KRT32: variants seen among roughly 807,000 people sequenced by gnomAD.
The protein encoded by KRT32 is keratin, type I cuticular Ha2.
A neutral mutation model predicts 41.8 loss-of-function variants in KRT32; 44 were observed. That is an observed-to-expected ratio of 1.05 (90% confidence interval 0.83 to 1.35). KRT32 has a LOEUF of 1.35. KRT32 is among the 40% of genes most tolerant of loss of function. The pLI, the probability that KRT32 is intolerant of heterozygous loss-of-function variation, is 0.00. For missense variants in KRT32, 576 were observed against 584.6 expected, an observed-to-expected ratio of 0.99 and a Z score of 0.15; for synonymous variants, 238 against 242.5, an observed-to-expected ratio of 0.98 and a Z score of 0.17.
At chr17:41,465,749 C>G (rs771021253) in intron 3 of KRT32, 24 bp downstream of exon 3, 1 of 1,600,508 alleles carries the variant, frequency 6.2e-7, no homozygotes, top group African/African-American at 1.3e-5. Context: ...CCCGGGGCCA[C>G]TTCAGCGGGA....
intron 3 of KRT32, 22 bp from the exon 4 acceptor site, chr17:41,464,465 AG>A (rs758248194): frequency 3.3e-6 from 5 of 1,523,838 alleles, no homozygotes; most frequent in Non-Finnish European, 4.4e-6. Flanking sequence ...CAAGACCTCC[AG>A]AAAAATGTGA....
At chr17:41,464,976 A>G (rs909743735) in intron 3 of KRT32, among the ~76,000 whole-genome samples, 2 of 152,206 alleles carry the variant, frequency 1.3e-5, no homozygotes, top group African/African-American at 4.8e-5. Flanking sequence ...CTCGGTGAGT[A>G]CGTGGTGACT....
intron 3 of KRT32, among the ~76,000 whole-genome samples, chr17:41,465,105 C>G (rs887849250): frequency 2.0e-5 from 3 of 152,178 alleles, no homozygotes; most frequent in Non-Finnish European, 4.4e-5. Flanking sequence ...AACACCATGG[C>G]TCAGGTGGGC....
chr17:41,466,056 C>T, intron 2 of KRT32, 38 bp downstream of exon 2: 1 of 1,610,852 alleles, frequency 6.2e-7, no homozygotes, highest in South Asian at 1.1e-5. Flanking sequence ...CCTATGAGGA[C>T]AGGTCCTCCC....
rs781138503 is a variant in KRT32, at chr17:41,466,895, T to TA, written c.430_431insT (p.Gln144LeufsTer8). ...CTCCTCAATGGTCCTGAAATGAGAC[T>TA]GGTAGTCAGGAGTCATGGTGAGCAC... On this transcript the variant is annotated frameshift_variant, in exon 1 of 7. Coordinates refer to ENST00000225899, the MANE Select transcript of KRT32 (RefSeq NM_002278.3). LOFTEE classifies it high-confidence loss of function. 2 of 1,614,092 alleles carry TA rather than the reference T, an allele frequency of 1.2e-6. No homozygotes were observed. Among genetic ancestry groups the TA allele is most frequent in the Non-Finnish European group, 1.7e-6 (2 of 1,179,948 alleles).
At position 41,466,092 on chromosome 17, in the gene KRT32, A is replaced by C. The variant is rs199799291; in HGVS notation, c.551+2T>G. Reference sequence around the variant, plus strand: ...CAGCTCCAGCCCCCCGACTGAACTCACTTGGCCCTGAAGTCATCGGCAGCC... The same window carrying C: ...CAGCTCCAGCCCCCCGACTGAACTCCCTTGGCCCTGAAGTCATCGGCAGCC... On this transcript the variant is annotated splice_donor_variant, in intron 2 of 6. Coordinates refer to ENST00000225899, the MANE Select transcript of KRT32 (RefSeq NM_002278.3). LOFTEE classifies it high-confidence loss of function. 2.5e-6 allele frequency: 4 copies of C among 1,614,066 alleles called. No homozygotes were observed. In the Admixed American group the frequency reaches 6.7e-5, roughly 27 times the overall value.
At position 41,466,150 on chromosome 17, in the gene KRT32, G is replaced by C; in HGVS notation, c.495C>G (p.Ala165=). 1 of 1,614,096 alleles carries C rather than the reference G, an allele frequency of 6.2e-7. No homozygotes were observed. Among genetic ancestry groups the C allele is most frequent in the Non-Finnish European group, 8.5e-7 (1 of 1,180,024 alleles). ...QKILCTKAEN[A]RMVVNIDNAK... ...CATTATCAATGTTCACAACCATCCT[G>C]GCATTCTCTGCCTTGGTACACAGAA... Residue 165 remains alanine, a synonymous_variant, in exon 2 of 7, where the codon GCC becomes GCG. Coordinates refer to ENST00000225899, the MANE Select transcript of KRT32 (RefSeq NM_002278.3).
At chr17:41,463,154 G>A in intron 5 of KRT32, 104 bp from the exon 6 acceptor site, 1 of 1,084,620 alleles carries the variant, frequency 9.2e-7, no homozygotes, top group African/African-American at 1.6e-5. Flanking sequence ...CTGGAAATGA[G>A]CCCTCCCTAC....
At chr17:41,466,516 G>C (rs892299703) in intron 1 of KRT32, among the ~76,000 whole-genome samples, 1 of 152,224 alleles carries the variant, frequency 6.6e-6, no homozygotes, top group Non-Finnish European at 1.5e-5. Context: ...ACCAGGGGCT[G>C]TTCCAAGCAC....
Position 41,467,077 on chromosome 17 carries a change from G to A in KRT32, c.249C>T (p.Pro83=), listed in dbSNP as rs201032713. The change falls in exon 1 of 7, where the codon CCC becomes CCT. Residue 83 remains proline (P), a synonymous_variant. Transcript: ENST00000225899. ...AGGCCCCTTCGCTGTACCAGCTGCC[G>A]GGGCCCATGGAGCCGGAGATGCCAC... ...AASGISGSMG[P]GSWYSEGAFN... The A allele has an allele frequency of 2.5e-5, 41 of 1,614,226 alleles. No individual in the cohort carries two copies. Among genetic ancestry groups the A allele is most frequent in the South Asian group, 2.5e-4 (23 of 91,084 alleles).
intron 6 of KRT32, among the ~76,000 whole-genome samples, chr17:41,462,036 C>A (rs2019005839): frequency 6.6e-6 from 1 of 152,208 alleles, no homozygotes; most frequent in Non-Finnish European, 1.5e-5. Context: ...CTCAGTTCTT[C>A]CTGCTGCTAT....
intron 5 of KRT32, among the ~76,000 whole-genome samples, chr17:41,463,683 G>A (rs936770786): frequency 2.7e-5 from 4 of 150,234 alleles, no homozygotes. Flanking sequence ...CTCCAGCCTG[G>A]GCAACAGAGT....
chr17:41,465,684 G>T, intron 3 of KRT32, 89 bp downstream of exon 3: 1 of 1,370,770 alleles, frequency 7.3e-7, no homozygotes, highest in Non-Finnish European at 1.0e-6. Flanking sequence ...GCAGGCTTGG[G>T]AATTTCAACC....
intron 2 of KRT32, 78 bp downstream of exon 2, chr17:41,466,016 C>T: frequency 6.2e-7 from 1 of 1,602,136 alleles, no homozygotes; most frequent in Non-Finnish European, 8.5e-7. Context: ...TTCCAACCCT[C>T]CGTGAAACTA....
In KRT32 at chr17:41,464,375, C is replaced by T. The variant is rs374696277; in HGVS notation, c.777G>A (p.Val259=). ...LNIEVDAAPP[V]DLTRVLEEMR... Reference sequence around the variant, plus strand: ...TCTCCTCCAGCACCCTGGTCAGGTCCACCGGGGGTGCAGCGTCCACCTCGA... The same window carrying T: ...TCTCCTCCAGCACCCTGGTCAGGTCTACCGGGGGTGCAGCGTCCACCTCGA... Residue 259 remains valine, a synonymous_variant, in exon 4 of 7, where the codon GTG becomes GTA. Coordinates refer to ENST00000225899, the MANE Select transcript of KRT32 (RefSeq NM_002278.3). 34 of 1,611,588 alleles carry T rather than the reference C, an allele frequency of 2.1e-5. No homozygotes were observed. The highest frequency in any genetic ancestry group is 1.6e-4 in the Middle Eastern group (1 of 6,074).
At position 41,460,132 on chromosome 17, in the gene KRT32, G is replaced by A; in HGVS notation, c.1325C>T (p.Pro442Leu). The A allele has an allele frequency of 1.2e-6, 2 of 1,612,188 alleles. No individual in the cohort carries two copies. Among genetic ancestry groups the A allele is most frequent in the Non-Finnish European group, 1.7e-6 (2 of 1,179,090 alleles). The part of the protein sequence containing the change: ...VPRTVGMPCS[P>L]CPQGRY ...ACTTCAGTAGCGGCCCTGGGGGCAG[G>A]GTGAGCAAGGCATGCCAACAGTGCG... Residue 442 changes from proline (P) to leucine (L), a missense_variant, in exon 7 of 7, where the codon CCC becomes CTC. By Grantham distance (98) the Pro-to-Leu change is moderately conservative (BLOSUM62 -3). Transcript: ENST00000225899.
chr17:41,467,079 G>C lies in KRT32; in HGVS notation c.247C>G (p.Pro83Ala). Residue 83 changes from proline to alanine, a missense_variant, in exon 1 of 7, where the codon CCC (proline) becomes GCC (alanine). Physicochemically the swap from Pro to Ala is conservative, Grantham distance 27. Coordinates refer to ENST00000225899, the MANE Select transcript of KRT32 (RefSeq NM_002278.3). ...AASGISGSMGPGSWYSEGAFN... is the reference protein window; with the variant it reads ...AASGISGSMGAGSWYSEGAFN... ...GCCCCTTCGCTGTACCAGCTGCCGG[G>C]GCCCATGGAGCCGGAGATGCCACTG... 6.2e-7 allele frequency: 1 copy of C among 1,614,226 alleles called. No homozygotes were observed. The highest frequency in any genetic ancestry group is 8.5e-7 in the Non-Finnish European group (1 of 1,180,050).
At chr17:41,464,799 G>A (rs1301580979) in intron 3 of KRT32, among the ~76,000 whole-genome samples, 1 of 152,214 alleles carries the variant, frequency 6.6e-6, no homozygotes, top group Non-Finnish European at 1.5e-5. Flanking sequence ...AGCCTGGCTT[G>A]ACTAGTTAAA....
At chr17:41,466,278 T>C in intron 1 of KRT32, 102 bp from the exon 2 acceptor site, 1 of 891,838 alleles carries the variant, frequency 1.1e-6, no homozygotes, top group East Asian at 2.5e-5. Context: ...CCAGCAGCCC[T>C]GCAGCCATCC....
Sources: gnomAD v4.1 joint callset for allele counts (sites outside exome capture counted in the v4.1 genomes callset) on GRCh38, gnomAD v4.1.1 for gene constraint, MANE v1.5 for transcripts, NCBI Gene and HGNC (gene_info 2026-07-23, HGNC 2026-07-21) for gene names.